The following MUS81 variants were observed in gnomAD, a reference collection of about 807,000 sequenced individuals.
The protein encoded by MUS81 is structure-specific endonuclease subunit MUS81.
In MUS81, 69 loss-of-function variants were observed where a neutral mutation model predicts 74.2. That is an observed-to-expected ratio of 0.93 (90% CI 0.77 to 1.14). MUS81 has a LOEUF of 1.14. MUS81 is among the 50% of genes most tolerant of loss of function. The pLI, the probability that MUS81 is intolerant of heterozygous loss-of-function variation, is 0.00. For missense variants in MUS81, 711 were observed against 726.5 expected (o/e 0.98, Z 0.25); for synonymous variants, 303 against 300.6 (o/e 1.01, Z -0.08).
At chr11:65,866,916 C>T (rs1565271968), downstream of MUS81, 1 of 1,614,134 alleles carries the variant, frequency 6.2e-7, no homozygotes. Context: ...CCCTCCTGCT[C>T]CTCAGAAGGT....
chr11:65,860,517 C>T lies in MUS81; in HGVS notation c.-237C>T. 1 of 597,636 alleles carries T rather than the reference C, an allele frequency of 1.7e-6. No homozygotes were observed. The highest frequency in any genetic ancestry group is 3.0e-6 in the Non-Finnish European group (1 of 335,326). 37.0% of individuals were successfully genotyped at this position (597,636 alleles called of 1,614,324 possible). A position where few individuals can be genotyped will look rare whatever the true frequency, so the allele number is the denominator to read the frequency against. On this transcript the variant is annotated 5_prime_UTR_variant, in exon 1 of 16. Coordinates refer to ENST00000308110, the MANE Select transcript of MUS81 (RefSeq NM_025128.5). The stretch of plus-strand genomic sequence containing the variant: ...CTGGAGTGGAGCCAAGGGAAAAGAT[C>T]GTTAGAGACAGCGCCCCTGACCAAC...
At chr11:65,865,768 T>C (rs1309255283) in intron 14 of MUS81, 43 bp from the exon 15 acceptor site, 2 of 1,594,368 alleles carry the variant, frequency 1.3e-6, no homozygotes, top group African/African-American at 1.3e-5. Flanking sequence ...TGGCCCAGAG[T>C]GGGCCACTGT....
chr11:65,861,417 C>T lies in MUS81; in HGVS notation c.333C>T (p.Val111=), dbSNP rs769127526. Reference sequence around the variant, plus strand: ...CCCCGCAGGGGCGACTTGCGGAAGTCCAGGACTCTTCCATGCCAGTGAGGA... The same window carrying T: ...CCCCGCAGGGGCGACTTGCGGAAGTTCAGGACTCTTCCATGCCAGTGAGGA... The part of the protein sequence containing the change: ...SPAPQGRLAE[V]QDSSMPVPAQ... The change falls in exon 3 of 16, where the codon GTC becomes GTT. Residue 111 remains valine (V), a synonymous_variant. Transcript: ENST00000308110. The T allele has an allele frequency of 1.9e-6, 3 of 1,603,156 alleles. No homozygotes were observed. Among genetic ancestry groups the T allele is most frequent in the African/African-American group, 2.7e-5 (2 of 74,720 alleles).
chr11:65,864,667 G>A, intron 11 of MUS81, 53 bp from the exon 12 acceptor site: 4 of 1,612,724 alleles, frequency 2.5e-6, no homozygotes, highest in Admixed American at 1.7e-5. Context: ...GTGGTCCATG[G>A]TTCATGGTCT....
At chr11:65,865,538 G>A (rs543722115) in intron 14 of MUS81, 16 of 630,286 alleles carry the variant, frequency 2.5e-5, no homozygotes, top group South Asian at 2.4e-4. Flanking sequence ...GGAGGGAGAC[G>A]TCCCACCTGG....
chr11:65,864,893 AAAG>A, intron 12 of MUS81, 78 bp downstream of exon 12: 1 of 1,580,312 alleles, frequency 6.3e-7, no homozygotes, highest in Non-Finnish European at 8.6e-7. Context: ...TGCATCCCCA[AAAG>A]AAGCAAGGTG....
chr11:65,864,766 C>T lies in MUS81; in HGVS notation c.1223C>T (p.Ser408Leu). 5 of 1,613,988 alleles carry T rather than the reference C, an allele frequency of 3.1e-6. No individual in the cohort carries two copies. The highest frequency in any genetic ancestry group is 3.4e-6 in the Non-Finnish European group (4 of 1,180,014). ...FVKRTADIKE[S>L]AAYLALLTRG... ...AAGCGCACAGCAGACATTAAGGAGT[C>T]AGCCGCCTACCTGGCCCTCTTGACG... Residue 408 changes from serine (S) to leucine (L), a missense_variant, in exon 12 of 16, where the codon TCA becomes TTA. Ser to Leu is a moderately radical substitution (Grantham distance 145, BLOSUM62 -2). Transcript: ENST00000308110.
At position 65,865,325 on chromosome 11, in the gene MUS81, T is replaced by C; in HGVS notation, c.1505+2T>C. Reference sequence around the variant, plus strand: ...GGATCGATACAGCACCCCTGCCAGGTAGGCCCTAAAGGGCCCTTAGGTGTC... The same window carrying C: ...GGATCGATACAGCACCCCTGCCAGGCAGGCCCTAAAGGGCCCTTAGGTGTC... On this transcript the variant is annotated splice_donor_variant, in intron 14 of 15. Transcript: ENST00000308110. LOFTEE classifies it high-confidence loss of function. 1 of 1,613,158 alleles carries C rather than the reference T, an allele frequency of 6.2e-7. No homozygotes were observed.
upstream of MUS81, chr11:65,860,368 C>T (rs778828669): frequency 2.1e-6 from 1 of 475,966 alleles, no homozygotes; most frequent in Non-Finnish European, 4.2e-6. Context: ...CAGTCCTCCC[C>T]GTCACAGGGG....
intron 11 of MUS81, 27 bp from the exon 12 acceptor site, chr11:65,864,693 T>C (rs1859749750): frequency 1.9e-6 from 3 of 1,613,412 alleles, no homozygotes; most frequent in Non-Finnish European, 2.5e-6. Context: ...AGGAGCCACC[T>C]TCCCTCTCTT....
In MUS81 at chr11:65,861,117, A is replaced by T. The variant is rs1419380315; in HGVS notation, c.265+15A>T. On this transcript the variant is annotated intron_variant, in intron 2 of 15. Transcript: ENST00000308110. Reference sequence around the variant, plus strand: ...AACATCGGGCGGTGAGCGCCTCGGAAAGGGGTCGGTGATCCCCCACCTCCC... The same window carrying T: ...AACATCGGGCGGTGAGCGCCTCGGATAGGGGTCGGTGATCCCCCACCTCCC... The T allele has an allele frequency of 1.2e-5, 19 of 1,611,958 alleles. No individual in the cohort carries two copies. The highest frequency in any genetic ancestry group is 2.7e-5 in the African/African-American group (2 of 74,920).
chr11:65,864,199 G>C, intron 10 of MUS81: 1 of 586,408 alleles, frequency 1.7e-6, no homozygotes, highest in South Asian at 2.0e-5. Context: ...GAAATACAGA[G>C]GCTGTACCTT....
At chr11:65,864,891 C>T in intron 12 of MUS81, 76 bp downstream of exon 12, 1 of 1,578,398 alleles carries the variant, frequency 6.3e-7, no homozygotes, top group Non-Finnish European at 8.6e-7. Context: ...TGTGCATCCC[C>T]AAAAGAAGCA....
Position 65,860,592 on chromosome 11 carries a change from T to G in MUS81, c.-162T>G. ...AGGGCGGCCGCAGGCTCTCCTCTCG[T>G]TAGTGCCCCCTGTGTTTGGGGCCCC... On this transcript the variant is annotated 5_prime_UTR_variant, in exon 1 of 16. Transcript: ENST00000308110. 1.1e-6 allele frequency: 1 copy of G among 932,064 alleles called. No individual in the cohort carries two copies. The highest frequency in any genetic ancestry group is 1.6e-6 in the Non-Finnish European group (1 of 613,376). 57.7% of individuals were successfully genotyped at this position (932,064 alleles called of 1,614,324 possible).
At chr11:65,861,244 G>A (rs1157628475) in intron 2 of MUS81, 106 bp from the exon 3 acceptor site, 1 of 1,537,924 alleles carries the variant, frequency 6.5e-7, no homozygotes, top group Non-Finnish European at 8.8e-7. Context: ...GGCGCTCCCT[G>A]AGCCTCCCTC....
Position 65,863,656 on chromosome 11 carries a change from C to A in MUS81, c.896C>A (p.Thr299Lys). The A allele has an allele frequency of 6.2e-7, 1 of 1,614,064 alleles. No homozygotes were observed. Among genetic ancestry groups the A allele is most frequent in the Non-Finnish European group, 8.5e-7 (1 of 1,180,008 alleles). The change falls in exon 9 of 16, where the codon ACG becomes AAG. Residue 299 changes from threonine to lysine, a missense_variant. Thr to Lys is a moderately conservative substitution (Grantham distance 78, BLOSUM62 -1). Coordinates refer to ENST00000308110, the MANE Select transcript of MUS81 (RefSeq NM_025128.5). Reference sequence around the variant, plus strand: ...CTACAGCGGCTGCACGTGACCCACACGGTGCGCAAGCTGCACGTTGGAGAT... The same window carrying A: ...CTACAGCGGCTGCACGTGACCCACAAGGTGCGCAAGCTGCACGTTGGAGAT... ...RELQRLHVTH[T>K]VRKLHVGDFV... is the part of the protein sequence containing the mutation.
intron 6 of MUS81, 44 bp from the exon 7 acceptor site, chr11:65,863,021 A>G: frequency 1.2e-6 from 2 of 1,612,252 alleles, no homozygotes; most frequent in East Asian, 2.2e-5. Context: ...CCTGCCAGGA[A>G]TGAGTGAAGA....
At chr11:65,860,268 C>T (rs1253771724), upstream of MUS81, 1 of 457,202 alleles carries the variant, frequency 2.2e-6, no homozygotes, top group Non-Finnish European at 4.4e-6. Flanking sequence ...TCTCCATCTC[C>T]AGCCTCCTTC....
upstream of MUS81, chr11:65,860,351 G>T (rs572841227): frequency 1.7e-4 from 79 of 470,692 alleles, no homozygotes; most frequent in African/African-American, 1.5e-3. Context: ...GTTAAGCGCC[G>T]CCCAGCCAGT....
Sources: allele counts gnomAD v4.1 joint callset, GRCh38; gene constraint gnomAD v4.1.1; transcripts MANE v1.5; gene names NCBI Gene and HGNC (gene_info 2026-07-23, HGNC 2026-07-21).